Variants in MLLT6 observed in about 807,000 individuals in gnomAD.
MLLT6 encodes the protein protein AF-17.
Under a neutral mutation model 103.0 loss-of-function variants are expected in MLLT6, and 22 were observed. The ratio of observed to expected loss-of-function variants is 0.21; its 90% CI spans 0.15 to 0.31. The LOEUF (loss-of-function observed/expected upper bound fraction) is 0.31. Ranked by LOEUF, MLLT6 falls within the 10% of genes least tolerant of loss-of-function variation. The pLI, the probability that MLLT6 is intolerant of heterozygous loss-of-function variation, is 1.00. For synonymous variants in MLLT6, 606 were observed against 623.5 expected, an observed-to-expected ratio of 0.97 and a Z score of 0.42; for missense variants, 1,199 against 1,441.7, an observed-to-expected ratio of 0.83 and a Z score of 2.73.
At chr17:38,715,197 AAGCCCAT>A in intron 8 of MLLT6, 1 of 165,302 alleles carries the variant, frequency 6.0e-6, no homozygotes, top group South Asian at 1.7e-4. Context: ...GGCACCAGAG[AAGCCCAT>A]TCTCCTGTGG....
chr17:38,707,880 G>GC lies in MLLT6; in HGVS notation c.354+14dup, dbSNP rs759100121. ...CATGATCGCTTCAACAAGGTCAGCG[G>GC]CCCCCCGCCGTGTCCCCTACCAGTT... is the stretch of plus-strand genomic sequence containing the variant. On this transcript the variant is annotated intron_variant, in intron 4 of 19. Transcript: ENST00000621332. 6.4e-6 allele frequency: 10 copies of GC among 1,562,422 alleles called. No homozygotes were observed. In the African/African-American group the frequency reaches 6.8e-5, roughly 11 times the overall value.
chr17:38,722,314 C>A (rs1905801753), intron 17 of MLLT6, 87 bp downstream of exon 17: 2 of 1,072,622 alleles, frequency 1.9e-6, no homozygotes, highest in Non-Finnish European at 2.5e-6. Flanking sequence ...CACCCACAAT[C>A]CCTAAAAGGA....
intron 16 of MLLT6, among the ~76,000 whole-genome samples, chr17:38,721,334 T>C (rs1409537907): frequency 6.6e-6 from 1 of 152,166 alleles, no homozygotes; most frequent in Admixed American, 6.5e-5. Context: ...TCATGCCCTA[T>C]GCAAAAATTT....
At chr17:38,713,398 GA>G (rs1162146152) in intron 8 of MLLT6, 1 of 297,198 alleles carries the variant, frequency 3.4e-6, no homozygotes, top group Non-Finnish European at 6.2e-6. Flanking sequence ...ATCCAAGCTG[GA>G]ACAGCCCTCC....
chr17:38,715,246 A>G (rs1196724867), intron 8 of MLLT6: 2 of 188,364 alleles, frequency 1.1e-5, no homozygotes, highest in Non-Finnish European at 2.2e-5. Flanking sequence ...CTTCCAGCAT[A>G]GGTCCCGCCT....
At position 38,706,964 on chromosome 17, in the gene MLLT6, G is replaced by A. The variant is rs1296236877; in HGVS notation, c.124G>A (p.Val42Ile). 7 of 1,611,316 alleles carry A rather than the reference G, an allele frequency of 4.3e-6. No homozygotes were observed. Among genetic ancestry groups the A allele is most frequent in the African/African-American group, 2.7e-5 (2 of 74,848 alleles). ...VAVHQACYGI[V>I]QVPTGPWFCR... ...CCCACCCTCAGCTTGCTATGGCATC[G>A]TTCAGGTGCCAACGGGACCCTGGTT... The change falls in exon 2 of 20, where the codon GTT becomes ATT. Residue 42 changes from valine to isoleucine, a missense_variant. This residue lies in a region of MLLT6 where 26 missense variants were observed against 44.5 expected (regional missense o/e 0.58). Coordinates refer to ENST00000621332, the MANE Select transcript of MLLT6 (RefSeq NM_005937.4).
chr17:38,707,838 T>C lies in MLLT6; in HGVS notation c.320T>C (p.Val107Ala). The part of the protein sequence containing the change: ...FANVLTMEPI[V>A]LQYVPHDRFN... ...AACGTGCTCACCATGGAGCCCATCG[T>C]GCTGCAGTACGTGCCTCATGATCGC... The change falls in exon 4 of 20, where the codon GTG (valine) becomes GCG (alanine). Residue 107 changes from valine to alanine, a missense_variant. Physicochemically the swap from Val to Ala is moderately conservative, Grantham distance 64. Transcript: ENST00000621332. 1 of 1,613,624 alleles carries C rather than the reference T, an allele frequency of 6.2e-7. No individual in the cohort carries two copies. The highest frequency in any genetic ancestry group is 8.5e-7 in the Non-Finnish European group (1 of 1,179,756).
chr17:38,720,324 C>G, intron 14 of MLLT6, 48 bp from the exon 15 acceptor site: 1 of 1,020,424 alleles, frequency 9.8e-7, no homozygotes, highest in Non-Finnish European at 1.4e-6. Context: ...CCCCTGGCCC[C>G]GCCTCCGCCC....
intron 18 of MLLT6, among the ~76,000 whole-genome samples, chr17:38,723,257 C>T (rs751471180): frequency 6.6e-6 from 1 of 152,100 alleles, no homozygotes; most frequent in African/African-American, 2.4e-5. Flanking sequence ...AATCCAAGCA[C>T]GGAAGACTGA....
chr17:38,717,715 G>A lies in MLLT6; in HGVS notation c.1833+102G>A, dbSNP rs542527110. 5.0e-4 allele frequency: 714 copies of A among 1,429,492 alleles called. 1 individual carries two copies. The highest frequency in any genetic ancestry group is 6.2e-4 in the Non-Finnish European group (636 of 1,023,318). The allele number at this position is 1,429,492 out of a possible 1,614,324, so 88.6% of individuals were successfully genotyped here. On this transcript the variant is annotated intron_variant, in intron 11 of 19. Transcript: ENST00000621332. ...GGAATTGGAGCAACTGGGCTGAGTT[G>A]CCATCAGACCACCCTCCGGGCTCTG...
Position 38,711,997 on chromosome 17 carries a change from G to A in MLLT6, c.703G>A (p.Glu235Lys). The A allele has an allele frequency of 4.4e-6, 7 of 1,591,820 alleles. No individual in the cohort carries two copies. Among genetic ancestry groups the A allele is most frequent in the South Asian group, 3.4e-5 (3 of 88,098 alleles). ...TQQEKHPTHHERGQKKSRKDK... is the reference protein window; with the variant it reads ...TQQEKHPTHHKRGQKKSRKDK... ...GCAGGAGAAGCACCCCACCCACCAC[G>A]AGAGGGGCCAGAAGAAGGTAGAAGT... Residue 235 changes from glutamate (E) to lysine (K), a missense_variant, in exon 7 of 20, where the codon GAG (glutamate) becomes AAG (lysine). Around this residue, in one of 7 missense-constraint regions of MLLT6, gnomAD observed 1,034 missense variants for 1,091.5 expected, o/e 0.95. Coordinates refer to ENST00000621332, the MANE Select transcript of MLLT6 (RefSeq NM_005937.4).
rs1040418345 is a variant in MLLT6 at position 38,728,182 on chromosome 17, C to G, written c.*2584C>G. ...CGGGTGCAGCCCTCTTCTCCTCTTCCCCCCCACATCTCTCATGAGAGAGGT... is the reference window on the plus strand; with the variant it reads ...CGGGTGCAGCCCTCTTCTCCTCTTCGCCCCCACATCTCTCATGAGAGAGGT... On this transcript the variant is annotated 3_prime_UTR_variant, in exon 20 of 20. Transcript: ENST00000621332. 8.6e-6 allele frequency: 2 copies of G among 233,200 alleles called. No individual in the cohort carries two copies. The highest frequency in any genetic ancestry group is 1.7e-5 in the Non-Finnish European group (2 of 118,106). The allele number at this position is 233,200 out of a possible 1,614,324, so 14.4% of individuals were successfully genotyped here.
chr17:38,725,395 C>G (rs1379646163), intron 19 of MLLT6, 162 bp from the exon 20 acceptor site: 2 of 644,742 alleles, frequency 3.1e-6, no homozygotes, highest in Non-Finnish European at 5.4e-6. Context: ...CACACCCCTG[C>G]GCATCGGCCC....
chr17:38,707,898 T>C (rs757706620), intron 4 of MLLT6, 26 bp downstream of exon 4: 3 of 1,417,550 alleles, frequency 2.1e-6, no homozygotes, highest in Non-Finnish European at 3.0e-6. Flanking sequence ...CCGTGTCCCC[T>C]ACCAGTTCCC....
intron 1 of MLLT6, 143 bp downstream of exon 1, chr17:38,705,884 T>G: frequency 3.4e-6 from 1 of 290,150 alleles, no homozygotes; most frequent in Non-Finnish European, 6.2e-6. Flanking sequence ...TAGGGGGAGC[T>G]CCCCCCGCCC....
At chr17:38,708,122 T>C in intron 4 of MLLT6, 1 of 537,552 alleles carries the variant, frequency 1.9e-6, no homozygotes, top group Non-Finnish European at 3.3e-6. Context: ...ACTTCATTCA[T>C]TCATTCGCTG....
intron 6 of MLLT6, 33 bp from the exon 7 acceptor site, chr17:38,711,814 G>C: frequency 6.7e-7 from 1 of 1,488,436 alleles, no homozygotes; most frequent in Non-Finnish European, 9.0e-7. Context: ...CGTGAGAAGA[G>C]GGTTTGCAAT....
rs1270782087 is a variant in MLLT6, at chr17:38,705,289, C to A, written c.-344C>A. On this transcript the variant is annotated 5_prime_UTR_variant, in exon 1 of 20. Coordinates refer to ENST00000621332, the MANE Select transcript of MLLT6 (RefSeq NM_005937.4). Reference sequence around the variant, plus strand: ...CCGCGATGTGCCACTCGGCGCCTCCCCCGCCGGGCTCGGGCTACGCGGCGG... The same window carrying A: ...CCGCGATGTGCCACTCGGCGCCTCCACCGCCGGGCTCGGGCTACGCGGCGG... Among the ~76,000 whole-genome samples, 2 of 145,778 alleles carry A rather than the reference C, an allele frequency of 1.4e-5. No homozygotes were observed. Among genetic ancestry groups the A allele is most frequent in the East Asian group, 4.1e-4 (2 of 4,922 alleles).
At chr17:38,717,307 A>G in intron 10 of MLLT6, 125 bp from the exon 11 acceptor site, 1 of 815,262 alleles carries the variant, frequency 1.2e-6, no homozygotes. Context: ...CAAGAGGGTT[A>G]GACTGGGGCA....
Sources: allele counts gnomAD v4.1 joint callset (sites outside exome capture counted in the v4.1 genomes callset), GRCh38; gene constraint gnomAD v4.1.1; regional missense constraint gnomAD v4.1.1; transcripts MANE v1.5; gene names NCBI Gene and HGNC (gene_info 2026-07-23, HGNC 2026-07-21).